The following EPHA3 variants were observed in gnomAD, a reference collection of about 807,000 sequenced individuals.
EPHA3 encodes the protein ephrin type-A receptor 3.
A neutral mutation model predicts 107.1 loss-of-function variants in EPHA3; 42 were observed. The observed-to-expected ratio is 0.39, with a 90% CI of 0.31 to 0.51. EPHA3 has a LOEUF of 0.51. EPHA3 is among the 20% of genes least tolerant of loss of function. EPHA3 has a pLI of 0.78. For missense variants in EPHA3, 1,183 were observed against 1,211.2 expected (o/e 0.98, Z 0.35); for synonymous variants, 461 against 424.8 (o/e 1.09, Z -1.05).
intron 13 of EPHA3, among the ~76,000 whole-genome samples, chr3:89,438,098 T>TTTTTG (rs557419210): frequency 5.8e-4 from 89 of 152,162 alleles, no homozygotes; most frequent in Non-Finnish European, 9.0e-4. Context: ...CATTTTTGTT[T>TTTTTG]TTTTGTTTTG....
chr3:89,404,094 C>T (rs1439421445), intron 7 of EPHA3, among the ~76,000 whole-genome samples: 1 of 152,100 alleles, frequency 6.6e-6, no homozygotes, highest in East Asian at 1.9e-4. Context: ...GCCTCACACC[C>T]TCATTATTTG....
rs1706587052 is a variant in EPHA3, at chr3:89,305,242, T to C, written c.815-35674T>C. 2.0e-5 allele frequency among the ~76,000 whole-genome samples: 3 copies of C among 152,278 alleles called. 1 individual carries two copies. The South Asian group carries it at 6.2e-4, about 32-fold the overall frequency. Reference sequence around the variant, plus strand: ...CTGAATACATATTTCAGTCTTATAGTTTTATACTTTTCAACATGATGAGTT... The same window carrying C: ...CTGAATACATATTTCAGTCTTATAGCTTTATACTTTTCAACATGATGAGTT... On this transcript the variant is annotated intron_variant, in intron 3 of 16. Coordinates refer to ENST00000336596, the MANE Select transcript of EPHA3 (RefSeq NM_005233.6).
intron 7 of EPHA3, among the ~76,000 whole-genome samples, chr3:89,401,646 T>C (rs1465090961): frequency 1.3e-5 from 2 of 152,216 alleles, no homozygotes; most frequent in South Asian, 2.1e-4. Flanking sequence ...CCTGCTCTGT[T>C]GCCCAGGATG....
At chr3:89,143,192 A>G (rs1375672914) in intron 2 of EPHA3, among the ~76,000 whole-genome samples, 2 of 151,388 alleles carry the variant, frequency 1.3e-5, no homozygotes, top group Admixed American at 1.3e-4. Context: ...ATGAGACTAG[A>G]TTTCTCTTTA....
At chr3:89,413,088 ATTGT>A (rs71836049) in intron 9 of EPHA3, 49 bp from the exon 10 acceptor site, 131,993 of 1,604,852 alleles carry the variant, frequency 0.082, 5,740 homozygotes, top group Middle Eastern at 0.12. Flanking sequence ...TTGATCTATA[ATTGT>A]TTGTACAAAT....
At chr3:89,344,683 G>A (rs1707603002) in intron 5 of EPHA3, among the ~76,000 whole-genome samples, 1 of 152,058 alleles carries the variant, frequency 6.6e-6, no homozygotes. Flanking sequence ...ATGATGCCAG[G>A]GTGCTTAAAA....
intron 16 of EPHA3, among the ~76,000 whole-genome samples, chr3:89,477,365 G>A (rs1710537026): frequency 6.6e-6 from 1 of 152,094 alleles, no homozygotes; most frequent in African/African-American, 2.4e-5. Flanking sequence ...CAGCAGGGAG[G>A]GAACCTGAAG....
chr3:89,383,405 A>G (rs116219873), intron 5 of EPHA3, among the ~76,000 whole-genome samples: 2,434 of 152,264 alleles, frequency 0.016, 68 homozygotes, highest in African/African-American at 0.055. Context: ...AACTAAAGAT[A>G]TATTTAAGTT....
intron 5 of EPHA3, among the ~76,000 whole-genome samples, chr3:89,362,657 A>G (rs1708116775): frequency 6.6e-6 from 1 of 150,754 alleles, no homozygotes; most frequent in Non-Finnish European, 1.5e-5. Context: ...GGCAAGGGAG[A>G]AGGAGTTTAA....
chr3:89,404,348 A>G (rs1709016140), intron 7 of EPHA3, among the ~76,000 whole-genome samples: 2 of 152,182 alleles, frequency 1.3e-5, no homozygotes, highest in Non-Finnish European at 2.9e-5. Context: ...CACTACTGTA[A>G]GTGTTTTACT....
chr3:89,185,313 C>T (rs1705537280), intron 2 of EPHA3, among the ~76,000 whole-genome samples: 1 of 151,882 alleles, frequency 6.6e-6, no homozygotes, highest in Non-Finnish European at 1.5e-5. Flanking sequence ...TTTGCTGTCC[C>T]CTACATACAT....
chr3:89,303,857 G>A (rs1300438469), intron 3 of EPHA3, among the ~76,000 whole-genome samples: 2 of 152,094 alleles, frequency 1.3e-5, no homozygotes, highest in Non-Finnish European at 2.9e-5. Flanking sequence ...GACTCTTTGT[G>A]CACCTCTGTG....
chr3:89,401,539 T>A (rs1025210518), intron 7 of EPHA3, among the ~76,000 whole-genome samples: 1 of 152,232 alleles, frequency 6.6e-6, no homozygotes, highest in Non-Finnish European at 1.5e-5. Flanking sequence ...CTTCTAAGAC[T>A]TTTTGCAAAT....
chr3:89,191,862 A>G (rs1705723947), intron 2 of EPHA3, among the ~76,000 whole-genome samples: 1 of 152,132 alleles, frequency 6.6e-6, no homozygotes, highest in South Asian at 2.1e-4. Context: ...CTCTTAGTAA[A>G]TGTTAAAAAG....
chr3:89,310,502 C>T (rs1312061675), intron 3 of EPHA3, among the ~76,000 whole-genome samples: 2 of 151,788 alleles, frequency 1.3e-5, no homozygotes, highest in Non-Finnish European at 2.9e-5. Context: ...TAACCCCTTC[C>T]TTTCTTATTG....
intron 5 of EPHA3, among the ~76,000 whole-genome samples, chr3:89,368,728 C>G (rs1708231142): frequency 6.7e-6 from 1 of 150,272 alleles, no homozygotes; most frequent in South Asian, 2.1e-4. Context: ...GATGCCCACC[C>G]ACCTTAGTGA....
At chr3:89,391,132 T>G (rs538523635) in intron 5 of EPHA3, among the ~76,000 whole-genome samples, 1 of 152,208 alleles carries the variant, frequency 6.6e-6, no homozygotes, top group African/African-American at 2.4e-5. Flanking sequence ...TATTACTAGA[T>G]ATATAGGGTG....
At chr3:89,297,288 G>A (rs1706376811) in intron 3 of EPHA3, among the ~76,000 whole-genome samples, 1 of 152,048 alleles carries the variant, frequency 6.6e-6, no homozygotes, top group Non-Finnish European at 1.5e-5. Context: ...AATCATTCTA[G>A]TTTTTGATTT....
rs912247971 is a variant in EPHA3 at position 89,481,018 on chromosome 3, G to A, written c.*1516G>A. 4.3e-6 allele frequency: 1 copy of A among 231,772 alleles called. No individual in the cohort carries two copies. Among genetic ancestry groups the A allele is most frequent in the Admixed American group, 5.6e-5 (1 of 17,750 alleles). 14.4% of individuals were successfully genotyped at this position (231,772 alleles called of 1,614,324 possible). A position where few individuals can be genotyped will look rare whatever the true frequency, so the allele number is the denominator to read the frequency against. ...TCATTAATTTTGAAAAGATGTACCT[G>A]GTGGATATCTAGCTAGTAATATATT... is the stretch of plus-strand genomic sequence containing the variant. On this transcript the variant is annotated 3_prime_UTR_variant, in exon 17 of 17. Coordinates refer to ENST00000336596, the MANE Select transcript of EPHA3 (RefSeq NM_005233.6).
Sources: allele counts gnomAD v4.1 joint callset (sites outside exome capture counted in the v4.1 genomes callset), GRCh38; gene constraint gnomAD v4.1.1; transcripts MANE v1.5; gene names NCBI Gene and HGNC (gene_info 2026-07-23, HGNC 2026-07-21).